SOBP: variants seen among roughly 807,000 people sequenced by gnomAD.
The protein encoded by SOBP is sine oculis-binding protein homolog.
Under a neutral mutation model 53.6 loss-of-function variants are expected in SOBP, and 4 were observed. That is an observed-to-expected ratio of 0.07 (90% CI 0.04 to 0.17). The LOEUF is 0.17. Ranked by LOEUF, SOBP falls within the 10% of genes least tolerant of loss-of-function variation. SOBP has a pLI of 1.00. For synonymous variants in SOBP, 584 were observed against 522.6 expected, an observed-to-expected ratio of 1.12 and a Z score of -1.60; for missense variants, 1,088 against 1,204.7, an observed-to-expected ratio of 0.90 and a Z score of 1.43.
chr6:107,595,479 T>G (rs1325026382), intron 5 of SOBP, among the ~76,000 whole-genome samples: 1 of 151,642 alleles, frequency 6.6e-6, no homozygotes, highest in Non-Finnish European at 1.5e-5. Flanking sequence ...TGGCAATAAA[T>G]TAGCATATGG....
At chr6:107,498,294 T>G (rs1782749607) in intron 1 of SOBP, among the ~76,000 whole-genome samples, 1 of 152,204 alleles carries the variant, frequency 6.6e-6, no homozygotes, top group African/African-American at 2.4e-5. Flanking sequence ...GGGGGCTCTT[T>G]GAATACTTCC....
At chr6:107,521,957 CACAA>C (rs1428879925) in intron 3 of SOBP, among the ~76,000 whole-genome samples, 2 of 123,966 alleles carry the variant, frequency 1.6e-5, no homozygotes, top group South Asian at 2.5e-4. Context: ...CACACACACA[CACAA>C]ACTCAATCAA....
chr6:107,564,296 C>G, intron 4 of SOBP, among the ~76,000 whole-genome samples: 1 of 152,154 alleles, frequency 6.6e-6, no homozygotes, highest in South Asian at 2.1e-4. Flanking sequence ...ATAAAACACT[C>G]TCCTGTAGTT....
chr6:107,535,772 G>T (rs1213267967), intron 4 of SOBP, among the ~76,000 whole-genome samples: 1 of 151,672 alleles, frequency 6.6e-6, no homozygotes. Flanking sequence ...CTGCATTTCT[G>T]TTAACTGATA....
chr6:107,544,493 G>T (rs1233933914), intron 4 of SOBP, among the ~76,000 whole-genome samples: 1 of 152,186 alleles, frequency 6.6e-6, no homozygotes, highest in Admixed American at 6.5e-5. Context: ...TGCCATGATA[G>T]TATTGGGCAC....
chr6:107,567,421 TA>T (rs1434516436), intron 4 of SOBP, among the ~76,000 whole-genome samples: 2 of 152,240 alleles, frequency 1.3e-5, no homozygotes, highest in Non-Finnish European at 2.9e-5. Flanking sequence ...GGCACATATT[TA>T]AACCAGCATC....
intron 4 of SOBP, among the ~76,000 whole-genome samples, chr6:107,581,839 C>G (rs923959587): frequency 3.9e-5 from 6 of 152,134 alleles, no homozygotes; most frequent in African/African-American, 1.4e-4. Flanking sequence ...AATTCTTCAA[C>G]TATACACTTA....
At chr6:107,502,181 A>T (rs1782858555) in intron 1 of SOBP, among the ~76,000 whole-genome samples, 1 of 152,226 alleles carries the variant, frequency 6.6e-6, no homozygotes, top group Admixed American at 6.5e-5. Flanking sequence ...AAATTCAAGA[A>T]AACACGGAAC....
rs533087803 is a variant in SOBP at position 107,568,922 on chromosome 6, T to C, written c.574-18158T>C. Among the ~76,000 whole-genome samples, 5 of 152,258 alleles carry C rather than the reference T, an allele frequency of 3.3e-5. No homozygotes were observed. The East Asian group carries it at 5.8e-4, about 18-fold the overall frequency. ...ACAATCTTTACACTCCCACACTTTT[T>C]TATTAACGTATATAAGGCTAATAAA... On this transcript the variant is annotated intron_variant, in intron 4 of 6. Coordinates refer to ENST00000317357, the MANE Select transcript of SOBP (RefSeq NM_018013.4).
At chr6:107,548,433 A>G (rs555542527) in intron 4 of SOBP, among the ~76,000 whole-genome samples, 103 of 151,928 alleles carry the variant, frequency 6.8e-4, no homozygotes, top group Admixed American at 2.8e-3. Context: ...TAGTAGAGAC[A>G]GGGTTTCATT....
intron 5 of SOBP, among the ~76,000 whole-genome samples, chr6:107,594,667 C>T (rs967707531): frequency 1.3e-5 from 2 of 152,160 alleles, no homozygotes; most frequent in African/African-American, 2.4e-5. Context: ...CCTCTGATAC[C>T]GTGCTAAGGG....
At chr6:107,493,044 TTC>T (rs1699741441) in intron 1 of SOBP, among the ~76,000 whole-genome samples, 1 of 152,130 alleles carries the variant, frequency 6.6e-6, no homozygotes, top group African/African-American at 2.4e-5. Context: ...CTTAATATCT[TTC>T]TGTTTTTAAT....
At chr6:107,549,975 T>A (rs1450555593) in intron 4 of SOBP, among the ~76,000 whole-genome samples, 1 of 152,170 alleles carries the variant, frequency 6.6e-6, no homozygotes, top group African/African-American at 2.4e-5. Flanking sequence ...TGGGCCTTAC[T>A]CATTCCTGGG....
At chr6:107,508,818 A>G (rs1377252822) in intron 3 of SOBP, among the ~76,000 whole-genome samples, 2 of 152,182 alleles carry the variant, frequency 1.3e-5, no homozygotes, top group Admixed American at 6.5e-5. Flanking sequence ...CCAAGTGGGA[A>G]AAAAAGGGTA....
intron 5 of SOBP, among the ~76,000 whole-genome samples, chr6:107,598,979 A>G (rs6921654): frequency 0.023 from 3,499 of 152,334 alleles, 134 homozygotes; most frequent in African/African-American, 0.08. Flanking sequence ...TTTGTGATCC[A>G]GAGTGATTCA....
At chr6:107,586,067 GCTCTCCCTGTGTTT>G (rs1246279422) in intron 4 of SOBP, among the ~76,000 whole-genome samples, 1 of 152,184 alleles carries the variant, frequency 6.6e-6, no homozygotes, top group Non-Finnish European at 1.5e-5. Flanking sequence ...TTCCTGTGCG[GCTCTCCCTGTGTTT>G]CTCTCCTTTT....
chr6:107,641,423 A>T (rs1188851180), intron 6 of SOBP, among the ~76,000 whole-genome samples: 2 of 152,238 alleles, frequency 1.3e-5, no homozygotes, highest in Non-Finnish European at 2.9e-5. Context: ...AATTTGTACG[A>T]TACAGGGAGA....
intron 4 of SOBP, among the ~76,000 whole-genome samples, chr6:107,556,196 T>A (rs947216419): frequency 2.6e-5 from 4 of 152,216 alleles, no homozygotes. Flanking sequence ...ACAGGCAGCC[T>A]GTGTTAGAAG....
intron 5 of SOBP, among the ~76,000 whole-genome samples, chr6:107,589,054 C>T (rs890950865): frequency 5.3e-5 from 8 of 152,166 alleles, no homozygotes; most frequent in African/African-American, 1.9e-4. Flanking sequence ...CTTGTTCATT[C>T]ATAAGAAAGA....
Sources: allele counts gnomAD v4.1 joint callset (sites outside exome capture counted in the v4.1 genomes callset), GRCh38; gene constraint gnomAD v4.1.1; transcripts MANE v1.5; gene names NCBI Gene and HGNC (gene_info 2026-07-23, HGNC 2026-07-21).